Variants in RBFOX2 observed in about 807,000 individuals in gnomAD.
RBFOX2 encodes RNA binding fox-1 homolog 2.
In RBFOX2, 10 loss-of-function variants were observed where a neutral mutation model predicts 49.1. That is an observed-to-expected ratio of 0.20 (90% CI 0.13 to 0.35). The LOEUF is 0.35. Ranked by LOEUF, RBFOX2 falls within the 10% of genes least tolerant of loss-of-function variation. RBFOX2 has a pLI of 1.00. For missense variants in RBFOX2, 323 were observed against 486.9 expected, an observed-to-expected ratio of 0.66 and a Z score of 3.17; for synonymous variants, 183 against 187.4, an observed-to-expected ratio of 0.98 and a Z score of 0.19.
chr22:35,744,860 G>A (rs538560826), intron 11 of RBFOX2, among the ~76,000 whole-genome samples: 1 of 152,116 alleles, frequency 6.6e-6, no homozygotes, highest in African/African-American at 2.4e-5. Context: ...ATTCCTTTAT[G>A]TTTATCAAAT....
At chr22:35,772,320 T>C (rs56251636) in intron 4 of RBFOX2, among the ~76,000 whole-genome samples, 2,013 of 152,276 alleles carry the variant, frequency 0.013, 23 homozygotes, top group Admixed American at 0.024. Context: ...AATTTTCTAA[T>C]AACCACATTT....
intron 1 of RBFOX2, among the ~76,000 whole-genome samples, chr22:35,857,222 T>G (rs1291295062): frequency 6.6e-6 from 1 of 152,148 alleles, no homozygotes; most frequent in Non-Finnish European, 1.5e-5. Flanking sequence ...AAAAGAGTGC[T>G]ACATAAATAA....
At chr22:35,858,490 A>G (rs1363812000) in intron 1 of RBFOX2, among the ~76,000 whole-genome samples, 1 of 152,178 alleles carries the variant, frequency 6.6e-6, no homozygotes, top group Non-Finnish European at 1.5e-5. Context: ...TGAATTCTCT[A>G]AGGATAGAAC....
intron 1 of RBFOX2, among the ~76,000 whole-genome samples, chr22:35,849,756 G>A (rs912692898): frequency 1.3e-4 from 20 of 152,170 alleles, no homozygotes; most frequent in African/African-American, 4.8e-4. Flanking sequence ...ACGCAGATAG[G>A]TATGCTGGCT....
intron 2 of RBFOX2, among the ~76,000 whole-genome samples, chr22:35,788,834 A>G (rs571700852): frequency 1.9e-4 from 29 of 152,330 alleles, no homozygotes; most frequent in Middle Eastern, 6.8e-3. Context: ...CAAGATGAAA[A>G]TTAATGTCCT....
At chr22:35,779,350 G>C (rs1188560991) in intron 3 of RBFOX2, among the ~76,000 whole-genome samples, 1 of 152,042 alleles carries the variant, frequency 6.6e-6, no homozygotes, top group Non-Finnish European at 1.5e-5. Context: ...ACCAGACTTT[G>C]GGAAATGTGA....
intron 1 of RBFOX2, among the ~76,000 whole-genome samples, chr22:35,969,055 G>A (rs988374075): frequency 2.0e-5 from 3 of 152,122 alleles, no homozygotes; most frequent in African/African-American, 7.2e-5. Flanking sequence ...AAGAGTACTT[G>A]ACAAGTGCAC....
upstream of RBFOX2, among the ~76,000 whole-genome samples, chr22:35,844,543 G>A (rs1392404307): frequency 6.6e-6 from 1 of 151,794 alleles, no homozygotes; most frequent in Non-Finnish European, 1.5e-5. Flanking sequence ...TGCCCAGGCT[G>A]GAGTGCAGTG....
intron 1 of RBFOX2, among the ~76,000 whole-genome samples, chr22:35,956,209 C>T (rs770633087): frequency 6.6e-6 from 1 of 152,182 alleles, no homozygotes; most frequent in Non-Finnish European, 1.5e-5. Flanking sequence ...CTAATATCAC[C>T]ACCAATCTCA....
chr22:35,876,917 A>C (rs2045188508), intron 1 of RBFOX2, among the ~76,000 whole-genome samples: 1 of 152,202 alleles, frequency 6.6e-6, no homozygotes, highest in African/African-American at 2.4e-5. Context: ...ATGCCAATGT[A>C]ATTAAATAAG....
In RBFOX2 at chr22:35,749,304, G is replaced by GT. The variant is rs1317895380; in HGVS notation, c.888-2744dup. 4.6e-5 allele frequency among the ~76,000 whole-genome samples: 7 copies of GT among 151,906 alleles called. No individual in the cohort carries two copies. Among genetic ancestry groups the GT allele is most frequent in the African/African-American group, 9.7e-5 (4 of 41,340 alleles). On this transcript the variant is annotated intron_variant, in intron 9 of 11. Coordinates refer to ENST00000405409, the Ensembl canonical transcript of RBFOX2. The surrounding 1 kb of genome is among the most constrained non-coding windows in gnomAD (Gnocchi z 4.1). ...AGCACTAAGAAAAAACACATGAAGA[G>GT]TTTTTTTTAAAGCAGATGACTTTAA...
intron 1 of RBFOX2, among the ~76,000 whole-genome samples, chr22:35,815,601 T>C (rs1484858361): frequency 6.6e-6 from 1 of 152,146 alleles, no homozygotes; most frequent in Non-Finnish European, 1.5e-5. Context: ...AGCTTCTCAA[T>C]TCCCATACCA....
At chr22:35,746,395 A>G (rs1365547501) in intron 10 of RBFOX2, 78 bp downstream of exon 12, 1 of 1,287,074 alleles carries the variant, frequency 7.8e-7, no homozygotes, top group Non-Finnish European at 1.1e-6. Context: ...GGAAATGGTG[A>G]AGGGAGGAAA....
intron 1 of RBFOX2, among the ~76,000 whole-genome samples, chr22:35,930,342 AG>A (rs1226569111): frequency 6.6e-6 from 1 of 152,132 alleles, no homozygotes; most frequent in Non-Finnish European, 1.5e-5. Flanking sequence ...AAAAAGCAAC[AG>A]CCAAATACAT....
At chr22:35,891,126 C>T (rs1442630801) in intron 1 of RBFOX2, among the ~76,000 whole-genome samples, 4 of 152,112 alleles carry the variant, frequency 2.6e-5, no homozygotes, top group African/African-American at 9.7e-5. Flanking sequence ...GATTCTCTAC[C>T]ATGGTGTTAT....
At chr22:35,881,121 T>C (rs2045827968) in intron 1 of RBFOX2, among the ~76,000 whole-genome samples, 4 of 151,888 alleles carry the variant, frequency 2.6e-5, no homozygotes, top group Non-Finnish European at 2.9e-5. Flanking sequence ...AAATATTAGC[T>C]GGGCGTGGTG....
At position 35,897,701 on chromosome 22, in the gene RBFOX2, C is replaced by T. The variant is rs144097352; in HGVS notation, c.-34+41146G>A. On this transcript the variant is annotated intron_variant, in intron 1 of 13. Coordinates refer to the RBFOX2 transcript ENST00000359369. ...ACGACGTATACTGGTTGTTTAACTG[C>T]CTTCCAGCCCAAGGAAACAAGGGGT... The T allele has an allele frequency of 4.7e-5, 48 of 1,011,968 alleles. No homozygotes were observed. The East Asian group carries it at 7.4e-4, about 16-fold the overall frequency. The allele number at this position is 1,011,968 out of a possible 1,614,324, so 62.7% of individuals were successfully genotyped here. A position where few individuals can be genotyped will look rare whatever the true frequency, so the allele number is the denominator to read the frequency against.
chr22:35,743,930 A>ATT (rs71658610), exon 12 of RBFOX2: 46 of 312,676 alleles, frequency 1.5e-4, no homozygotes, highest in Middle Eastern at 8.4e-4. Context: ...GAAATGCATT[A>ATT]TTTTTTTTTT....
chr22:35,840,430 C>T lies in RBFOX2; in HGVS notation c.-212G>A, dbSNP rs186408151. 3.5e-4 allele frequency: 516 copies of T among 1,453,720 alleles called. 2 individuals carry two copies. In the East Asian group the frequency reaches 7.6e-3, roughly 21 times the overall value. 90.1% of individuals were successfully genotyped at this position (1,453,720 alleles called of 1,614,324 possible). A position where few individuals can be genotyped will look rare whatever the true frequency, so the allele number is the denominator to read the frequency against. ...CAGTCTCTCCCCCTCCTTCTTTCTC[C>T]AGCTCCCTCCCATATCTCAGGCAGA... On this transcript the variant is annotated 5_prime_UTR_variant, in exon 1 of 12. Coordinates refer to ENST00000405409, the Ensembl canonical transcript of RBFOX2.
Sources: gnomAD v4.1 joint callset for allele counts (sites outside exome capture counted in the v4.1 genomes callset) on GRCh38, gnomAD v4.1.1 for gene constraint, Gnocchi (gnomAD v3.1) non-coding constraint, MANE v1.5 for transcripts, NCBI Gene and HGNC (gene_info 2026-07-23, HGNC 2026-07-21) for gene names.